FBXO36: variants seen among roughly 807,000 people sequenced by gnomAD.
FBXO36 encodes the protein F-box only protein 36.
A neutral mutation model predicts 17.0 loss-of-function variants in FBXO36; 18 were observed. The observed-to-expected ratio is 1.06, with a 90% confidence interval of 0.73 to 1.57. The LOEUF (loss-of-function observed/expected upper bound fraction) is 1.57, where lower values mean the gene tolerates loss of function less well. FBXO36 is among the 40% of genes most tolerant of loss of function. FBXO36 has a pLI of 0.00. For missense variants in FBXO36, 229 were observed against 221.9 expected (o/e 1.03, Z -0.20); for synonymous variants, 83 against 85.3 (o/e 0.97, Z 0.15).
At chr2:229,946,941 T>C (rs2077030122) in intron 1 of FBXO36, among the ~76,000 whole-genome samples, 1 of 152,056 alleles carries the variant, frequency 6.6e-6, no homozygotes, top group South Asian at 2.1e-4. Flanking sequence ...CTGAGGCTAG[T>C]GGATCACCTA....
intron 1 of FBXO36, among the ~76,000 whole-genome samples, chr2:229,960,043 T>C (rs1182973909): frequency 6.6e-6 from 1 of 152,092 alleles, no homozygotes; most frequent in Non-Finnish European, 1.5e-5. Context: ...TGATTCTTAG[T>C]GTGGGGGTGC....
chr2:229,935,068 C>T (rs1368842457), intron 1 of FBXO36, among the ~76,000 whole-genome samples: 1 of 152,212 alleles, frequency 6.6e-6, no homozygotes, highest in Non-Finnish European at 1.5e-5. Context: ...TTATATGCCA[C>T]AGTTTAACGT....
intron 2 of FBXO36, among the ~76,000 whole-genome samples, chr2:229,987,292 C>A (rs1373384877): frequency 6.6e-6 from 1 of 150,664 alleles, no homozygotes; most frequent in African/African-American, 2.4e-5. Context: ...TACTTCATTT[C>A]ATCTAAATTG....
At chr2:229,966,001 T>C (rs1334918049) in intron 1 of FBXO36, among the ~76,000 whole-genome samples, 1 of 152,174 alleles carries the variant, frequency 6.6e-6, no homozygotes, top group Admixed American at 6.6e-5. Context: ...ACCAACAGTG[T>C]AAAAGTGTTT....
chr2:230,007,464 G>A (rs2077393196), intron 3 of FBXO36, among the ~76,000 whole-genome samples: 1 of 152,118 alleles, frequency 6.6e-6, no homozygotes, highest in Admixed American at 6.5e-5. Flanking sequence ...TGAAGCCCCT[G>A]GGGCACAGGT....
At chr2:229,989,308 A>G (rs2077286263) in intron 2 of FBXO36, among the ~76,000 whole-genome samples, 1 of 152,106 alleles carries the variant, frequency 6.6e-6, no homozygotes, top group African/African-American at 2.4e-5. Flanking sequence ...CCTAGGCTGG[A>G]ATGCAATGGC....
intron 3 of FBXO36, among the ~76,000 whole-genome samples, chr2:230,002,596 T>G (rs183007484): frequency 4.6e-5 from 7 of 152,136 alleles, no homozygotes; most frequent in African/African-American, 1.7e-4. Flanking sequence ...CTTGCGCTGG[T>G]TGGTCTTGAA....
intron 2 of FBXO36, among the ~76,000 whole-genome samples, chr2:229,987,549 A>G (rs183353927): frequency 1.3e-5 from 2 of 151,854 alleles, no homozygotes; most frequent in Admixed American, 1.3e-4. Context: ...TTTCCTTTCT[A>G]CTACTTTCCT....
intron 2 of FBXO36, among the ~76,000 whole-genome samples, chr2:229,996,174 A>C (rs763264925): frequency 6.6e-6 from 1 of 151,912 alleles, no homozygotes; most frequent in African/African-American, 2.4e-5. Flanking sequence ...GCTACTTGGG[A>C]GGCTGAAATG....
At chr2:229,948,943 C>A (rs1390606945) in intron 1 of FBXO36, among the ~76,000 whole-genome samples, 1 of 152,168 alleles carries the variant, frequency 6.6e-6, no homozygotes, top group African/African-American at 2.4e-5. Context: ...AACTGATTAT[C>A]CTGCCTCAGC....
intron 1 of FBXO36, among the ~76,000 whole-genome samples, chr2:229,926,550 C>G (rs1053552538): frequency 1.3e-5 from 2 of 151,774 alleles, no homozygotes; most frequent in African/African-American, 4.8e-5. Flanking sequence ...TCAACACCAG[C>G]CTGGCCAACA....
At chr2:229,954,858 T>TG in intron 1 of FBXO36, among the ~76,000 whole-genome samples, 1 of 145,814 alleles carries the variant, frequency 6.9e-6, no homozygotes, top group South Asian at 2.2e-4. Flanking sequence ...TTTTTGTTTG[T>TG]TTTTTTTTTG....
chr2:229,979,018 A>G (rs2077224448), intron 2 of FBXO36, among the ~76,000 whole-genome samples: 1 of 151,964 alleles, frequency 6.6e-6, no homozygotes, highest in Non-Finnish European at 1.5e-5. Context: ...CTCTACTAAA[A>G]ATATAAAAAT....
intron 3 of FBXO36, among the ~76,000 whole-genome samples, chr2:230,006,707 C>T (rs1279065438): frequency 6.6e-6 from 1 of 152,116 alleles, no homozygotes; most frequent in East Asian, 1.9e-4. Flanking sequence ...GGCAGATCTG[C>T]AGGCACATGG....
chr2:229,988,828 G>GTTTTTTTTTTTTTTT (rs11321192), intron 2 of FBXO36, among the ~76,000 whole-genome samples: 1 of 129,362 alleles, frequency 7.7e-6, no homozygotes, highest in Non-Finnish European at 1.6e-5. Context: ...ATGCTGGCCT[G>GTTTTTTTTTTTTTTT]TTTTTTTTTT....
At chr2:229,939,985 G>A (rs969056857) in intron 1 of FBXO36, among the ~76,000 whole-genome samples, 1 of 152,062 alleles carries the variant, frequency 6.6e-6, no homozygotes, top group Non-Finnish European at 1.5e-5. Flanking sequence ...TGGAGGAGAG[G>A]TGGGAGGATT....
At chr2:229,947,265 A>G (rs866057263) in intron 1 of FBXO36, among the ~76,000 whole-genome samples, 1 of 152,216 alleles carries the variant, frequency 6.6e-6, no homozygotes, top group African/African-American at 2.4e-5. Context: ...GGTTGTGACT[A>G]TATGATATGA....
intron 1 of FBXO36, among the ~76,000 whole-genome samples, chr2:229,939,834 C>T (rs1577330401): frequency 6.6e-6 from 1 of 152,294 alleles, no homozygotes; most frequent in East Asian, 1.9e-4. Flanking sequence ...GTAATCCCAG[C>T]ACTTTGAGAG....
intron 1 of FBXO36, among the ~76,000 whole-genome samples, chr2:229,954,542 CTTT>C (rs1176794800): frequency 2.5e-5 from 2 of 78,772 alleles, no homozygotes; most frequent in Non-Finnish European, 2.5e-5. Flanking sequence ...TGCACCCGGC[CTTT>C]TTTTTTTTTT....
Sources: gnomAD v4.1 joint callset for allele counts (sites outside exome capture counted in the v4.1 genomes callset) on GRCh38, gnomAD v4.1.1 for gene constraint, MANE v1.5 for transcripts, NCBI Gene and HGNC (gene_info 2026-07-23, HGNC 2026-07-21) for gene names.